The following CHRM2 variants were observed in gnomAD, a reference collection of about 807,000 sequenced individuals.
CHRM2 encodes the protein muscarinic acetylcholine receptor M2.
Under a neutral mutation model 25.0 loss-of-function variants are expected in CHRM2, and 8 were observed. The ratio of observed to expected loss-of-function variants is 0.32; its 90% CI spans 0.19 to 0.58. CHRM2 has a LOEUF of 0.58. Among genes scored for constraint, CHRM2 ranks in the 20% least tolerant of loss-of-function variants. The probability of loss-of-function intolerance (pLI) is 0.88; values close to 1 mark genes in which losing one functional copy is unlikely to be tolerated. For synonymous variants in CHRM2, 202 were observed against 205.7 expected (o/e 0.98, Z 0.15); for missense variants, 440 against 567.1 (o/e 0.78, Z 2.28).
At chr7:137,011,098 A>C (rs1041357406) in intron 3 of CHRM2, among the ~76,000 whole-genome samples, 1 of 152,012 alleles carries the variant, frequency 6.6e-6, no homozygotes, top group African/African-American at 2.4e-5. Flanking sequence ...ATGTTAAGTG[A>C]GATAATACAT....
At chr7:136,957,441 G>A (rs1239862108) in intron 2 of CHRM2, among the ~76,000 whole-genome samples, 3 of 152,208 alleles carry the variant, frequency 2.0e-5, no homozygotes, top group Non-Finnish European at 4.4e-5. Flanking sequence ...AACTGGAAAT[G>A]TTAAACAAGC....
At chr7:136,924,799 T>C (rs1208501005) in intron 2 of CHRM2, among the ~76,000 whole-genome samples, 1 of 152,192 alleles carries the variant, frequency 6.6e-6, no homozygotes, top group East Asian at 1.9e-4. Context: ...TGAAGCTCCT[T>C]CTTATGGTGA....
rs56868385 is a variant in CHRM2 at position 136,938,915 on chromosome 7, C to CAAAAAAAAAAAAA, written c.-124-53236_-124-53224dup. ...AAAATAAAACTTCAGCTAGCTCTGC[C>CAAAAAAAAAAAAA]AAAAAAAAAAAAAAAAAAAAAAAAA... On this transcript the variant is annotated intron_variant, in intron 2 of 3. Coordinates refer to ENST00000680005, the MANE Select transcript of CHRM2 (RefSeq NM_001006630.2). Among the ~76,000 whole-genome samples, 7 of 66,952 alleles carry CAAAAAAAAAAAAA rather than the reference C, an allele frequency of 1.0e-4. 2 individuals are homozygous for CAAAAAAAAAAAAA. Among genetic ancestry groups the CAAAAAAAAAAAAA allele is most frequent in the Non-Finnish European group, 2.0e-4 (7 of 35,082 alleles). The allele number at this position is 66,952 out of a possible 152,430, so 43.9% of individuals were successfully genotyped here.
At chr7:137,003,506 A>T (rs1461511931) in intron 3 of CHRM2, among the ~76,000 whole-genome samples, 25 of 149,916 alleles carry the variant, frequency 1.7e-4, no homozygotes, top group African/African-American at 4.2e-4. Context: ...ACACACACAC[A>T]CACACACACA....
At position 136,944,844 on chromosome 7, in the gene CHRM2, C is replaced by G. The variant is rs538337917; in HGVS notation, c.-124-47343C>G. On this transcript the variant is annotated intron_variant, in intron 2 of 3. Coordinates refer to ENST00000680005, the MANE Select transcript of CHRM2 (RefSeq NM_001006630.2). Reference sequence around the variant, plus strand: ...GCAAAAACCACAATTGCTTTTGCATCAGCCTAATAGTTTACATTCCCACCA... The same window carrying G: ...GCAAAAACCACAATTGCTTTTGCATGAGCCTAATAGTTTACATTCCCACCA... 1.1e-4 allele frequency among the ~76,000 whole-genome samples: 17 copies of G among 152,044 alleles called. No homozygotes were observed. The South Asian group carries it at 1.7e-3, about 15-fold the overall frequency.
intron 2 of CHRM2, among the ~76,000 whole-genome samples, chr7:136,906,066 AT>A (rs959054217): frequency 2.0e-5 from 3 of 150,522 alleles, no homozygotes; most frequent in South Asian, 2.1e-4. Context: ...GTTACGTATA[AT>A]TTTTTTATAT....
At chr7:136,976,806 G>T (rs1230346725) in intron 2 of CHRM2, among the ~76,000 whole-genome samples, 2 of 152,236 alleles carry the variant, frequency 1.3e-5, no homozygotes. Context: ...CTGCTGCAGG[G>T]ATTAATCTCA....
chr7:136,984,772 G>A (rs924269777), intron 2 of CHRM2, among the ~76,000 whole-genome samples: 2 of 151,886 alleles, frequency 1.3e-5, no homozygotes, highest in Non-Finnish European at 2.9e-5. Flanking sequence ...TCCATGGGCT[G>A]CATCCACTGT....
chr7:136,871,784 A>G lies in CHRM2; in HGVS notation c.-125+2366A>G, dbSNP rs371966795. ...GGAACTGTATTCGGCTGCAGTTCAGAAAGTGGACTTTTGAGACTTGTCAAA... is the reference window on the plus strand; with the variant it reads ...GGAACTGTATTCGGCTGCAGTTCAGGAAGTGGACTTTTGAGACTTGTCAAA... On this transcript the variant is annotated intron_variant, in intron 2 of 3. Coordinates refer to ENST00000680005, the MANE Select transcript of CHRM2 (RefSeq NM_001006630.2). 23 of 152,326 alleles carry G rather than the reference A, an allele frequency of 1.5e-4. 1 individual carries two copies. In the East Asian group the frequency reaches 4.5e-3, roughly 29 times the overall value. 9.4% of individuals were successfully genotyped at this position (152,326 alleles called of 1,614,324 possible). A position where few individuals can be genotyped will look rare whatever the true frequency, so the allele number is the denominator to read the frequency against.
chr7:136,991,864 T>C (rs1473516610), intron 2 of CHRM2, among the ~76,000 whole-genome samples: 1 of 152,172 alleles, frequency 6.6e-6, no homozygotes, highest in Non-Finnish European at 1.5e-5. Flanking sequence ...AGGGTTACAA[T>C]ACTTACTATT....
At chr7:136,997,478 A>G (rs1345901231) in intron 3 of CHRM2, among the ~76,000 whole-genome samples, 2 of 152,222 alleles carry the variant, frequency 1.3e-5, no homozygotes, top group Non-Finnish European at 2.9e-5. Context: ...TGAAAATCAG[A>G]AAAAGAAATA....
intron 2 of CHRM2, among the ~76,000 whole-genome samples, chr7:136,950,805 T>C (rs1472354703): frequency 3.3e-5 from 5 of 151,762 alleles, no homozygotes; most frequent in Non-Finnish European, 7.4e-5. Context: ...TTGTTGTTGT[T>C]GTTGTTGTTG....
At chr7:136,942,042 C>A (rs1287888698) in intron 2 of CHRM2, among the ~76,000 whole-genome samples, 1 of 152,142 alleles carries the variant, frequency 6.6e-6, no homozygotes, top group Non-Finnish European at 1.5e-5. Context: ...AACACCTGTT[C>A]AGCCTGTAGA....
Position 137,015,785 on chromosome 7 carries a change from C to G in CHRM2, c.920C>G (p.Thr307Arg). The stretch of plus-strand genomic sequence containing the variant: ...GATGAAATAACCCAGGATGAAAACA[C>G]AGTTTCCACTTCCCTGGGCCATTCC... ...RDDEITQDENTVSTSLGHSKD... is the reference protein window; with the variant it reads ...RDDEITQDENRVSTSLGHSKD... The change falls in exon 4 of 4, where the codon ACA becomes AGA. Residue 307 changes from threonine (T) to arginine (R), a missense_variant. Physicochemically the swap from Thr to Arg is moderately conservative, Grantham distance 71. This residue lies in a region of CHRM2 where 261 missense variants were observed against 261.8 expected (regional missense o/e 1.00). Transcript: ENST00000680005. This position sits in a 1 kb window ranked among gnomAD's most constrained non-coding sequence, Gnocchi z 5.1. The G allele has an allele frequency of 6.2e-7, 1 of 1,613,162 alleles. No individual in the cohort carries two copies. The highest frequency in any genetic ancestry group is 8.5e-7 in the Non-Finnish European group (1 of 1,179,490).
At chr7:136,875,913 G>A (rs781310893) in intron 2 of CHRM2, among the ~76,000 whole-genome samples, 49 of 151,954 alleles carry the variant, frequency 3.2e-4, no homozygotes, top group East Asian at 7.7e-4. Context: ...CCTCCTCTTC[G>A]TGGAATTTAT....
intron 2 of CHRM2, chr7:136,903,432 G>C (rs1406108665): frequency 3.6e-6 from 1 of 281,294 alleles, no homozygotes; most frequent in Non-Finnish European, 7.0e-6. Context: ...TGTTATTTTT[G>C]TGGATATTGT....
chr7:136,888,387 G>C (rs1410577098), intron 2 of CHRM2, among the ~76,000 whole-genome samples: 1 of 152,182 alleles, frequency 6.6e-6, no homozygotes, highest in African/African-American at 2.4e-5. Flanking sequence ...TTTAATCCTT[G>C]CTTCAGCCTA....
intron 3 of CHRM2, among the ~76,000 whole-genome samples, chr7:137,014,541 ATAGGTAGATAGG>A (rs1304233754): frequency 4.6e-5 from 7 of 151,982 alleles, no homozygotes; most frequent in Non-Finnish European, 8.8e-5. Context: ...GATGAGATAT[ATAGGTAGATAGG>A]TAGGTAGATA....
intron 3 of CHRM2, among the ~76,000 whole-genome samples, chr7:137,013,784 C>T (rs994076611): frequency 6.6e-6 from 1 of 151,950 alleles, no homozygotes; most frequent in African/African-American, 2.4e-5. Context: ...CCATGTCTGC[C>T]ACCAGGCAGA....
Sources: gnomAD v4.1 joint callset for allele counts (sites outside exome capture counted in the v4.1 genomes callset) on GRCh38, gnomAD v4.1.1 for gene constraint, gnomAD v4.1.1 regional missense constraint, Gnocchi (gnomAD v3.1) non-coding constraint, MANE v1.5 for transcripts, NCBI Gene and HGNC (gene_info 2026-07-23, HGNC 2026-07-21) for gene names.